Variants in OMA1 observed in about 807,000 individuals in gnomAD.
The protein encoded by OMA1 is OMA1 zinc metallopeptidase.
Under a neutral mutation model 30.9 loss-of-function variants are expected in OMA1, and 38 were observed. That is an observed-to-expected ratio of 1.23 (90% CI 0.95 to 1.61). The LOEUF is 1.61. Ranked by LOEUF, OMA1 falls within the 40% of genes most tolerant of loss-of-function variation. The pLI, the probability that OMA1 is intolerant of heterozygous loss-of-function variation, is 0.00. For synonymous variants in OMA1, 173 were observed against 121.9 expected (o/e 1.42, Z -2.76); for missense variants, 461 against 349.2 (o/e 1.32, Z -2.55).
intron 1 of OMA1, among the ~76,000 whole-genome samples, chr1:58,544,646 G>A (rs550420620): frequency 1.7e-3 from 266 of 152,268 alleles, no homozygotes; most frequent in African/African-American, 6.1e-3. Flanking sequence ...CCAGGCTGGA[G>A]TGCAGTGGTG....
chr1:58,508,550 C>G (rs1247586534), intron 7 of OMA1, among the ~76,000 whole-genome samples: 1 of 152,158 alleles, frequency 6.6e-6, no homozygotes, highest in Non-Finnish European at 1.5e-5. Flanking sequence ...ACCCCCAATA[C>G]AGCACCATAT....
intron 8 of OMA1, among the ~76,000 whole-genome samples, chr1:58,491,422 C>T (rs1268436096): frequency 3.3e-5 from 5 of 152,186 alleles, no homozygotes; most frequent in South Asian, 2.1e-4. Context: ...CAATATTAAC[C>T]TTAAATGTAA....
rs776954304 is a variant in OMA1 at position 58,527,335 on chromosome 1, A to T, written c.1141T>A (p.Tyr381Asn). The T allele has an allele frequency of 3.4e-6, 3 of 871,644 alleles. No individual in the cohort carries two copies. The highest frequency in any genetic ancestry group is 6.0e-6 in the Non-Finnish European group (3 of 500,998). The allele number at this position is 871,644 out of a possible 1,614,324, so 54.0% of individuals were successfully genotyped here. ...CQWIQSKLQE[Y>N]MFNRPYSRKL... ...CTGCTGTATGGTCTATTAAACATAT[A>T]CTAAGAAGAAATGACAGAAAAGCTC... Residue 381 changes from tyrosine to asparagine, a missense_variant and splice_region_variant, in exon 7 of 9, where the codon TAT (tyrosine) becomes AAT (asparagine). Physicochemically the swap from Tyr to Asn is moderately radical, Grantham distance 143. Transcript: ENST00000371226.
intron 8 of OMA1, among the ~76,000 whole-genome samples, chr1:58,495,504 T>C (rs1645784855): frequency 6.6e-6 from 1 of 152,144 alleles, no homozygotes; most frequent in South Asian, 2.1e-4. Context: ...GCTGAATTTT[T>C]TGGTAGTTCC....
At chr1:58,492,298 C>T (rs1357783722) in intron 8 of OMA1, among the ~76,000 whole-genome samples, 6 of 151,982 alleles carry the variant, frequency 3.9e-5, no homozygotes, top group Admixed American at 3.9e-4. Context: ...ACTAAATGCT[C>T]ACAAAAGAAA....
chr1:58,518,389 A>G (rs183082310), intron 7 of OMA1, among the ~76,000 whole-genome samples: 2 of 151,258 alleles, frequency 1.3e-5, no homozygotes, highest in Admixed American at 6.6e-5. Flanking sequence ...AAAAGAAAAG[A>G]AAAAAGAAAA....
intron 2 of OMA1, 22 bp from the exon 3 acceptor site, chr1:58,536,763 A>G: frequency 2.3e-6 from 2 of 863,156 alleles, no homozygotes; most frequent in South Asian, 1.3e-5. Flanking sequence ...AGAAAAATTC[A>G]AAGTTCTGAA....
At chr1:58,513,437 T>C (rs1646112198) in intron 7 of OMA1, among the ~76,000 whole-genome samples, 1 of 152,144 alleles carries the variant, frequency 6.6e-6, no homozygotes, top group African/African-American at 2.4e-5. Context: ...ATTGCTTCAA[T>C]AAAATTATTG....
intron 8 of OMA1, among the ~76,000 whole-genome samples, chr1:58,504,559 TG>T (rs1645957021): frequency 6.6e-6 from 1 of 152,238 alleles, no homozygotes; most frequent in African/African-American, 2.4e-5. Context: ...ACTATATGTT[TG>T]TTTCTTATTT....
intron 8 of OMA1, among the ~76,000 whole-genome samples, chr1:58,504,225 G>C (rs1415223001): frequency 6.6e-6 from 1 of 152,160 alleles, no homozygotes; most frequent in African/African-American, 2.4e-5. Context: ...GATCCTGCGT[G>C]GTCTGGTCCC....
rs71043292 is a variant in OMA1, at chr1:58,541,293, C to CAAAAA, written c.-16-1988_-16-1984dup. The stretch of plus-strand genomic sequence containing the variant: ...TGGGCAACAGAGTGAGACTCTGTCT[C>CAAAAA]AAAAAAAAAAAAAAAAAAAAAAAAA... On this transcript the variant is annotated intron_variant, in intron 1 of 8. Coordinates refer to ENST00000371226, the MANE Select transcript of OMA1 (RefSeq NM_145243.5). Among the ~76,000 whole-genome samples the CAAAAA allele has an allele frequency of 4.4e-4, 12 of 27,570 alleles. 1 individual carries two copies. Among genetic ancestry groups the CAAAAA allele is most frequent in the Non-Finnish European group, 5.4e-4 (8 of 14,712 alleles). 18.1% of individuals were successfully genotyped at this position (27,570 alleles called of 152,430 possible).
intron 8 of OMA1, among the ~76,000 whole-genome samples, chr1:58,499,987 A>G (rs2100402457): frequency 6.6e-6 from 1 of 152,286 alleles, no homozygotes; most frequent in South Asian, 2.1e-4. Flanking sequence ...GACAAAAATT[A>G]ATGCCAGAGA....
intron 8 of OMA1, among the ~76,000 whole-genome samples, chr1:58,492,040 A>G (rs1645703539): frequency 6.6e-6 from 1 of 152,236 alleles, no homozygotes; most frequent in Non-Finnish European, 1.5e-5. Flanking sequence ...GCAAATTAAA[A>G]GAACAGAAAG....
intron 8 of OMA1, among the ~76,000 whole-genome samples, chr1:58,501,404 G>A (rs975027155): frequency 4.5e-4 from 68 of 152,090 alleles, no homozygotes; most frequent in Admixed American, 3.9e-3. Flanking sequence ...TCAAACATAA[G>A]TGACCTTGTC....
intron 7 of OMA1, among the ~76,000 whole-genome samples, chr1:58,507,697 T>C (rs1646011092): frequency 6.6e-6 from 1 of 152,082 alleles, no homozygotes; most frequent in African/African-American, 2.4e-5. Context: ...TGTGTGTGCT[T>C]ATGTGTAAAA....
chr1:58,483,755 GATTTGCACTGAGACATCAGGC>G (rs1645528272), intron 8 of OMA1, among the ~76,000 whole-genome samples: 2 of 152,344 alleles, frequency 1.3e-5, no homozygotes, highest in South Asian at 4.1e-4. Flanking sequence ...ATGCTAGCAA[GATTTGCACTGAGACATCAGGC>G]ATGAGCCATG....
At chr1:58,542,241 T>C in intron 1 of OMA1, among the ~76,000 whole-genome samples, 1 of 152,236 alleles carries the variant, frequency 6.6e-6, no homozygotes, top group East Asian at 1.9e-4. Context: ...ATTAACAAGA[T>C]ACTTTGTTTT....
intron 8 of OMA1, among the ~76,000 whole-genome samples, chr1:58,483,261 A>G (rs904349357): frequency 1.3e-5 from 2 of 152,172 alleles, no homozygotes; most frequent in Non-Finnish European, 2.9e-5. Flanking sequence ...GCAGGCTCAA[A>G]CATATCTGGG....
intron 1 of OMA1, among the ~76,000 whole-genome samples, chr1:58,541,112 C>CCAGCCTGGCCAACTAT (rs71043291): frequency 6.6e-6 from 1 of 151,204 alleles, no homozygotes; most frequent in Admixed American, 6.6e-5. Flanking sequence ...GCATTCGAGG[C>CCAGCCTGGCCAACTAT]GTGAAACCCC....
Sources: allele counts gnomAD v4.1 joint callset (sites outside exome capture counted in the v4.1 genomes callset), GRCh38; gene constraint gnomAD v4.1.1; transcripts MANE v1.5; gene names NCBI Gene and HGNC (gene_info 2026-07-23, HGNC 2026-07-21).